CSMD2: variants seen among roughly 807,000 people sequenced by gnomAD.
The protein encoded by CSMD2 is CUB and Sushi multiple domains 2, also known as CUB and sushi domain-containing protein 2.
Under a neutral mutation model 398.5 loss-of-function variants are expected in CSMD2, and 130 were observed. The observed-to-expected ratio is 0.33, with a 90% CI of 0.28 to 0.38. The LOEUF (loss-of-function observed/expected upper bound fraction) is 0.38. Among genes scored for constraint, CSMD2 ranks in the 10% least tolerant of loss-of-function variants. The probability of loss-of-function intolerance (pLI) is 1.00; values close to 1 mark genes in which losing one functional copy is unlikely to be tolerated. For synonymous variants in CSMD2, 1,828 were observed against 1,908.5 expected (o/e 0.96, Z 1.10); for missense variants, 3,829 against 4,764.9 (o/e 0.80, Z 5.78).
At position 33,819,831 on chromosome 1, in the gene CSMD2, T is replaced by A; in HGVS notation, c.1206A>T (p.Gly402=). The change falls in exon 9 of 71, where the codon GGA becomes GGT. Residue 402 remains glycine, a synonymous_variant. Coordinates refer to ENST00000373381, the MANE Select transcript of CSMD2 (RefSeq NM_001281956.2). The part of the protein sequence containing the change: ...GKRLGSDFRL[G]SSVQFTCNEG... ...CGTTGCAGGTGAACTGGACGCTGGA[T>A]CCTAACCTGGGAGACAAAGTGTGTC... is the stretch of plus-strand genomic sequence containing the variant. 6.2e-7 allele frequency: 1 copy of A among 1,614,044 alleles called. No individual in the cohort carries two copies. Among genetic ancestry groups the A allele is most frequent in the Non-Finnish European group, 8.5e-7 (1 of 1,179,966 alleles).
At chr1:33,617,700 T>C (rs2148860444) in intron 37 of CSMD2, 83 bp from the exon 38 acceptor site, 1 of 1,004,240 alleles carries the variant, frequency 1.0e-6, no homozygotes, top group South Asian at 1.3e-5. Context: ...GAGATGCTGG[T>C]GGCAGGGAGA....
chr1:33,720,960 A>G (rs1195966943), intron 19 of CSMD2, among the ~76,000 whole-genome samples: 3 of 152,166 alleles, frequency 2.0e-5, no homozygotes, highest in Non-Finnish European at 4.4e-5. Context: ...CTTGACACCC[A>G]AAGTGCTGGG....
chr1:33,596,935 C>A (rs1166653697), intron 44 of CSMD2, among the ~76,000 whole-genome samples: 1 of 152,120 alleles, frequency 6.6e-6, no homozygotes, highest in Non-Finnish European at 1.5e-5. Context: ...CCAGATCTTT[C>A]TTTTCATTTG....
intron 22 of CSMD2, among the ~76,000 whole-genome samples, chr1:33,707,695 G>GCACACACACACA (rs200504764): frequency 5.3e-4 from 49 of 92,084 alleles, no homozygotes; most frequent in Non-Finnish European, 8.0e-4. Flanking sequence ...GCGCGCGCGC[G>GCACACACACACA]CACACACACA....
rs569945803 is a variant in CSMD2, at chr1:34,122,393, T to C, written c.188-33200A>G. Among the ~76,000 whole-genome samples the C allele has an allele frequency of 8.5e-5, 13 of 152,166 alleles. No individual in the cohort carries two copies. The South Asian group carries it at 2.5e-3, about 29-fold the overall frequency. On this transcript the variant is annotated intron_variant, in intron 1 of 70. Coordinates refer to ENST00000373381, the MANE Select transcript of CSMD2 (RefSeq NM_001281956.2). ...GGTCCGGGATCTGCAGGGGACAAAA[T>C]GGGATGGGCTGCGTCCAAGAGTAGC...
intron 25 of CSMD2, among the ~76,000 whole-genome samples, chr1:33,676,769 C>A (rs1330311877): frequency 2.0e-5 from 3 of 152,190 alleles, no homozygotes; most frequent in South Asian, 2.1e-4. Flanking sequence ...GAGATATAGA[C>A]CAATAGAACA....
intron 3 of CSMD2, among the ~76,000 whole-genome samples, chr1:33,959,224 G>A (rs541760909): frequency 5.2e-4 from 79 of 152,322 alleles, no homozygotes; most frequent in Admixed American, 1.2e-3. Flanking sequence ...CAGAGAAGGC[G>A]TGTGGTGACA....
At chr1:33,534,324 C>T (rs1655556429) in intron 62 of CSMD2, among the ~76,000 whole-genome samples, 1 of 152,208 alleles carries the variant, frequency 6.6e-6, no homozygotes, top group African/African-American at 2.4e-5. Context: ...GCGGATTTGA[C>T]AGCATTTTAC....
At chr1:33,889,784 T>TGC (rs1553245025) in intron 5 of CSMD2, among the ~76,000 whole-genome samples, 1 of 147,504 alleles carries the variant, frequency 6.8e-6, no homozygotes. Flanking sequence ...TGTGTGTGTG[T>TGC]GCATGCGCCA....
chr1:33,875,780 G>A (rs1408243359), intron 5 of CSMD2, among the ~76,000 whole-genome samples: 2 of 152,194 alleles, frequency 1.3e-5, no homozygotes. Context: ...TAAAGAAGCA[G>A]CCATCACTCA....
chr1:33,589,610 T>A (rs1191781625), intron 44 of CSMD2, among the ~76,000 whole-genome samples: 1 of 152,212 alleles, frequency 6.6e-6, no homozygotes, highest in Non-Finnish European at 1.5e-5. Flanking sequence ...GTTAGAAGTT[T>A]AAATACTTAA....
At chr1:33,651,987 G>T (rs548693174) in intron 28 of CSMD2, among the ~76,000 whole-genome samples, 2 of 152,082 alleles carry the variant, frequency 1.3e-5, no homozygotes, top group Non-Finnish European at 2.9e-5. Flanking sequence ...GGAAGGGGCC[G>T]GGGAAGCAGA....
chr1:33,681,995 G>C (rs1471322610), intron 25 of CSMD2, among the ~76,000 whole-genome samples: 1 of 152,116 alleles, frequency 6.6e-6, no homozygotes, highest in Non-Finnish European at 1.5e-5. Flanking sequence ...AACAAAACCA[G>C]AAATTTATTC....
chr1:33,917,786 C>A (rs1643800735), intron 5 of CSMD2, among the ~76,000 whole-genome samples: 1 of 152,056 alleles, frequency 6.6e-6, no homozygotes, highest in South Asian at 2.1e-4. Context: ...TTTACTAGAC[C>A]CTGTCCACAT....
chr1:33,981,586 A>G (rs1164769879), intron 3 of CSMD2, among the ~76,000 whole-genome samples: 6 of 152,230 alleles, frequency 3.9e-5, no homozygotes, highest in Non-Finnish European at 8.8e-5. Context: ...CCTACTCTAT[A>G]TCTGGCCCTG....
At chr1:33,581,023 A>C in intron 47 of CSMD2, 124 bp from the exon 48 acceptor site, 2 of 855,738 alleles carry the variant, frequency 2.3e-6, no homozygotes, top group Non-Finnish European at 3.6e-6. Flanking sequence ...TTGTACTTGC[A>C]CTCCTCTCTC....
intron 32 of CSMD2, among the ~76,000 whole-genome samples, chr1:33,629,350 G>T (rs908225595): frequency 1.3e-5 from 2 of 152,210 alleles, no homozygotes; most frequent in Admixed American, 1.3e-4. Context: ...AAACAAAAGC[G>T]CAGAAAGAAC....
At chr1:33,560,899 G>A (rs945503375) in intron 53 of CSMD2, among the ~76,000 whole-genome samples, 1 of 152,214 alleles carries the variant, frequency 6.6e-6, no homozygotes, top group Non-Finnish European at 1.5e-5. Context: ...GTGCATGAAT[G>A]GATGGATGCC....
At position 33,515,040 on chromosome 1, in the gene CSMD2, G is replaced by A. The variant is rs1653647385; in HGVS notation, c.*1584C>T. On this transcript the variant is annotated 3_prime_UTR_variant, in exon 71 of 71. Transcript: ENST00000373381. The stretch of plus-strand genomic sequence containing the variant: ...CACGTATACAGGGGCTTAAGCTTGT[G>A]GGGGCCTTCCCGAGGACAGAGAAAG... 1 of 152,208 alleles carries A rather than the reference G, an allele frequency of 6.6e-6. No individual in the cohort carries two copies. Among genetic ancestry groups the A allele is most frequent in the African/African-American group, 2.4e-5 (1 of 41,440 alleles). 9.4% of individuals were successfully genotyped at this position (152,208 alleles called of 1,614,324 possible).
Sources: gnomAD v4.1 joint callset for allele counts (sites outside exome capture counted in the v4.1 genomes callset) on GRCh38, gnomAD v4.1.1 for gene constraint, MANE v1.5 for transcripts, NCBI Gene and HGNC (gene_info 2026-07-23, HGNC 2026-07-21) for gene names.